Variants in CYTH3 observed in about 807,000 individuals in gnomAD.
CYTH3 encodes the protein cytohesin 3, also known as cytohesin-3.
Under a neutral mutation model 55.1 loss-of-function variants are expected in CYTH3, and 23 were observed. The ratio of observed to expected loss-of-function variants is 0.42; its 90% CI spans 0.30 to 0.59. The LOEUF (loss-of-function observed/expected upper bound fraction) is 0.59, where lower values mean the gene tolerates loss of function less well. CYTH3 is among the 20% of genes least tolerant of loss of function. CYTH3 has a pLI of 0.20. For missense variants in CYTH3, 413 were observed against 524.8 expected, an observed-to-expected ratio of 0.79 and a Z score of 2.08; for synonymous variants, 249 against 194.9, an observed-to-expected ratio of 1.28 and a Z score of -2.31.
chr7:6,234,737 G>C (rs1779473828), intron 1 of CYTH3, among the ~76,000 whole-genome samples: 1 of 152,136 alleles, frequency 6.6e-6, no homozygotes, highest in Admixed American at 6.5e-5. Context: ...CGCGTGGCAG[G>C]GCTAACCCCT....
At position 6,164,161 on chromosome 7, in the gene CYTH3, C is replaced by T. The variant is rs1178169869; in HGVS notation, c.*783G>A. The T allele has an allele frequency of 6.6e-6, 1 of 152,398 alleles. No homozygotes were observed. Among genetic ancestry groups the T allele is most frequent in the African/African-American group, 2.4e-5 (1 of 41,360 alleles). The allele number at this position is 152,398 out of a possible 1,614,324, so 9.4% of individuals were successfully genotyped here. A position where few individuals can be genotyped will look rare whatever the true frequency, so the allele number is the denominator to read the frequency against. ...GAGCCCCCAAGTGCCATGGCCGTCC[C>T]TCCCCCAGCCCGTCCCGAGCCCACC... On this transcript the variant is annotated 3_prime_UTR_variant, in exon 13 of 13. Transcript: ENST00000350796.
intron 1 of CYTH3, among the ~76,000 whole-genome samples, chr7:6,265,102 G>C (rs1780453324): frequency 1.3e-5 from 2 of 152,150 alleles, no homozygotes; most frequent in South Asian, 4.1e-4. Context: ...GCTTGGCAAG[G>C]AGACCAATGA....
intron 1 of CYTH3, among the ~76,000 whole-genome samples, chr7:6,206,799 G>A (rs896943296): frequency 5.3e-5 from 8 of 152,126 alleles, no homozygotes; most frequent in African/African-American, 1.9e-4. Context: ...CATGAGTCAG[G>A]TGGCCTCACT....
chr7:6,251,788 CA>C (rs1453486565), intron 1 of CYTH3, among the ~76,000 whole-genome samples: 1 of 152,128 alleles, frequency 6.6e-6, no homozygotes, highest in Non-Finnish European at 1.5e-5. Context: ...ATCAAATCTA[CA>C]AAGAATAACT....
At chr7:6,177,182 G>C (rs1783372538) in intron 5 of CYTH3, among the ~76,000 whole-genome samples, 1 of 152,210 alleles carries the variant, frequency 6.6e-6, no homozygotes, top group Non-Finnish European at 1.5e-5. Context: ...CAGAGAATGA[G>C]TCGGGAAGTA....
chr7:6,189,685 C>T (rs1440285465), intron 2 of CYTH3, among the ~76,000 whole-genome samples: 1 of 152,064 alleles, frequency 6.6e-6, no homozygotes, highest in African/African-American at 2.4e-5. Context: ...CACATATTCA[C>T]TCAAAGGGCA....
chr7:6,187,877 C>T (rs369346764), intron 2 of CYTH3, among the ~76,000 whole-genome samples, 156 bp from the exon 3 acceptor site: 16 of 152,172 alleles, frequency 1.1e-4, no homozygotes, highest in African/African-American at 3.6e-4. Flanking sequence ...ACAGCTAGAG[C>T]TTCATAGTCA....
chr7:6,182,527 G>C (rs1197850309), intron 4 of CYTH3, among the ~76,000 whole-genome samples: 1 of 152,140 alleles, frequency 6.6e-6, no homozygotes, highest in Non-Finnish European at 1.5e-5. Context: ...AAGGATTTAA[G>C]AGACAAAGTC....
chr7:6,255,193 A>G (rs1290585620), intron 1 of CYTH3, among the ~76,000 whole-genome samples: 1 of 152,248 alleles, frequency 6.6e-6, no homozygotes, highest in Non-Finnish European at 1.5e-5. Flanking sequence ...TAGAAATGAC[A>G]GAGCTGCAGA....
At chr7:6,194,306 A>T (rs951439160) in intron 1 of CYTH3, among the ~76,000 whole-genome samples, 2 of 152,202 alleles carry the variant, frequency 1.3e-5, no homozygotes, top group South Asian at 2.1e-4. Flanking sequence ...TTGGGGAAAA[A>T]GCCAGGCGTG....
chr7:6,246,305 G>A (rs1779814219), intron 1 of CYTH3, among the ~76,000 whole-genome samples: 1 of 151,448 alleles, frequency 6.6e-6, no homozygotes, highest in South Asian at 2.1e-4. Context: ...CCTGCCTCAA[G>A]TGTTCCTCCC....
intron 1 of CYTH3, among the ~76,000 whole-genome samples, chr7:6,228,663 G>C (rs964591763): frequency 6.6e-6 from 1 of 152,130 alleles, no homozygotes; most frequent in Admixed American, 6.5e-5. Context: ...CTGGAAATCC[G>C]GGCTGCCTCC....
chr7:6,234,727 C>T (rs760550347), intron 1 of CYTH3, among the ~76,000 whole-genome samples: 6 of 152,160 alleles, frequency 3.9e-5, no homozygotes, highest in Admixed American at 3.9e-4. Flanking sequence ...GCTCTCCCAC[C>T]GCGTGGCAGG....
intron 1 of CYTH3, among the ~76,000 whole-genome samples, chr7:6,257,535 T>A (rs1780159597): frequency 6.6e-6 from 1 of 151,544 alleles, no homozygotes; most frequent in Non-Finnish European, 1.5e-5. Context: ...TGAAACAATG[T>A]ATTTCTAAGA....
At chr7:6,210,993 A>G (rs1446461601) in intron 1 of CYTH3, among the ~76,000 whole-genome samples, 2 of 152,234 alleles carry the variant, frequency 1.3e-5, no homozygotes, top group African/African-American at 4.8e-5. Context: ...TTCCTTTCCA[A>G]GTGAAGTTTT....
chr7:6,187,385 T>C (rs1783681850), intron 3 of CYTH3, among the ~76,000 whole-genome samples: 1 of 152,204 alleles, frequency 6.6e-6, no homozygotes, highest in Non-Finnish European at 1.5e-5. Flanking sequence ...CGCAGGCAGG[T>C]AATTTCTGTG....
chr7:6,272,022 A>C (rs1198409241), intron 1 of CYTH3, among the ~76,000 whole-genome samples: 2 of 152,164 alleles, frequency 1.3e-5, no homozygotes, highest in Non-Finnish European at 2.9e-5. Context: ...CCTCCAGTGC[A>C]AAACTTTCCC....
rs532826990 is a variant in CYTH3, at chr7:6,242,218, A to C, written c.34+30256T>G. 2.0e-5 allele frequency among the ~76,000 whole-genome samples: 3 copies of C among 151,828 alleles called. No homozygotes were observed. In the East Asian group the frequency reaches 5.8e-4, roughly 30 times the overall value. The stretch of plus-strand genomic sequence containing the variant: ...CAGCCTCCCGAGTAGCTGGGACTAC[A>C]GGCGCCCACCACTACGCCCACCTAA... On this transcript the variant is annotated intron_variant, in intron 1 of 12. Transcript: ENST00000350796.
intron 1 of CYTH3, among the ~76,000 whole-genome samples, chr7:6,259,772 T>TATATTATATA (rs1491219669): frequency 3.3e-5 from 1 of 30,496 alleles, no homozygotes; most frequent in Non-Finnish European, 4.6e-5. Context: ...TATATATATA[T>TATATTATATA]TATATATATA....
Sources: allele counts gnomAD v4.1 joint callset (sites outside exome capture counted in the v4.1 genomes callset), GRCh38; gene constraint gnomAD v4.1.1; transcripts MANE v1.5; gene names NCBI Gene and HGNC (gene_info 2026-07-23, HGNC 2026-07-21).